CCDC174: variants seen among roughly 807,000 people sequenced by gnomAD.
The protein encoded by CCDC174 is coiled-coil domain-containing protein 174.
In CCDC174, 37 loss-of-function variants were observed where a neutral mutation model predicts 57.1. The observed-to-expected ratio is 0.65, with a 90% CI of 0.50 to 0.85. The LOEUF (loss-of-function observed/expected upper bound fraction) is 0.85, where lower values mean the gene tolerates loss of function less well. CCDC174 is among the 40% of genes least tolerant of loss of function. The pLI, the probability that CCDC174 is intolerant of heterozygous loss-of-function variation, is 0.00. For missense variants in CCDC174, 540 were observed against 574.3 expected (o/e 0.94, Z 0.61); for synonymous variants, 182 against 190.2 (o/e 0.96, Z 0.35).
chr3:14,664,722 G>A (rs573290270), intron 5 of CCDC174, among the ~76,000 whole-genome samples: 2 of 152,334 alleles, frequency 1.3e-5, no homozygotes, highest in African/African-American at 2.4e-5. Context: ...TCTCAACTAG[G>A]TTAAAGTAAG....
chr3:14,655,642 G>A lies in CCDC174; in HGVS notation c.248+13G>A, dbSNP rs766990124. The A allele has an allele frequency of 2.6e-6, 4 of 1,549,072 alleles. No homozygotes were observed. The highest frequency in any genetic ancestry group is 2.3e-5 in the South Asian group (2 of 86,256). On this transcript the variant is annotated intron_variant, in intron 3 of 10. Coordinates refer to ENST00000383794, the MANE Select transcript of CCDC174 (RefSeq NM_016474.5). ...TAGACAAAGCAAGGTAAAGTTATAA[G>A]CTCTGGTAAATATAGTTAGCTTTGA...
chr3:14,651,802 G>A lies in CCDC174; in HGVS notation c.-35G>A, dbSNP rs1346212283. The A allele has an allele frequency of 1.9e-6, 3 of 1,612,256 alleles. No individual in the cohort carries two copies. The highest frequency in any genetic ancestry group is 2.5e-6 in the Non-Finnish European group (3 of 1,178,478). On this transcript the variant is annotated 5_prime_UTR_variant, in exon 1 of 11. Coordinates refer to ENST00000383794, the MANE Select transcript of CCDC174 (RefSeq NM_016474.5). The stretch of plus-strand genomic sequence containing the variant: ...TTACGAGGCCTGTGTCGGGTAGAAA[G>A]GGTCCTTCCTGGACCGGGACCCTCT...
intron 6 of CCDC174, among the ~76,000 whole-genome samples, chr3:14,665,349 T>C (rs998008354): frequency 2.0e-5 from 3 of 152,212 alleles, no homozygotes; most frequent in Admixed American, 6.5e-5. Flanking sequence ...GAGCTGTCTC[T>C]TTTACTTGGA....
At chr3:14,665,462 A>G (rs1015388199) in intron 6 of CCDC174, among the ~76,000 whole-genome samples, 1 of 152,222 alleles carries the variant, frequency 6.6e-6, no homozygotes, top group Non-Finnish European at 1.5e-5. Flanking sequence ...TTATCCCACA[A>G]ACAAGTGGCT....
intron 1 of CCDC174, among the ~76,000 whole-genome samples, chr3:14,653,195 A>G (rs1045757063): frequency 2.2e-4 from 34 of 152,378 alleles, no homozygotes; most frequent in African/African-American, 8.2e-4. Context: ...AAGCCAACCT[A>G]TACTGACAGG....
At chr3:14,661,971 C>T (rs2031155386) in intron 5 of CCDC174, 2 of 329,844 alleles carry the variant, frequency 6.1e-6, no homozygotes, top group South Asian at 5.5e-5. Flanking sequence ...AGCTCTGTGC[C>T]AGGCCGAAGG....
Position 14,651,897 on chromosome 3 carries a change from T to TA in CCDC174, c.42+21dup, listed in dbSNP as rs1480890829. The TA allele has an allele frequency of 6.2e-7, 1 of 1,612,810 alleles. No homozygotes were observed. Among genetic ancestry groups the TA allele is most frequent in the African/African-American group, 1.3e-5 (1 of 74,994 alleles). ...CTCCTCGGTGAGTGAGGGTATGAGG[T>TA]AACTCCACGGGCTCCGGGTTCACCG... On this transcript the variant is annotated intron_variant, in intron 1 of 10. Coordinates refer to ENST00000383794, the MANE Select transcript of CCDC174 (RefSeq NM_016474.5).
At chr3:14,666,740 CTG>C (rs1367891439) in intron 6 of CCDC174, 63 bp from the exon 7 acceptor site, 1 of 1,306,126 alleles carries the variant, frequency 7.7e-7, no homozygotes, top group Non-Finnish European at 1.0e-6. Flanking sequence ...ATGCAACTGA[CTG>C]TACTTAAACA....
chr3:14,669,445 C>G (rs964941970), intron 9 of CCDC174, among the ~76,000 whole-genome samples: 1 of 152,200 alleles, frequency 6.6e-6, no homozygotes, highest in Non-Finnish European at 1.5e-5. Context: ...TTTTAAAAAT[C>G]CATTTTTCTT....
chr3:14,655,626 C>T lies in CCDC174; in HGVS notation c.245C>T (p.Ala82Val). 1 of 1,597,168 alleles carries T rather than the reference C, an allele frequency of 6.3e-7. No homozygotes were observed. Among genetic ancestry groups the T allele is most frequent in the Non-Finnish European group, 8.6e-7 (1 of 1,168,532 alleles). ...GAAGAACAGAAGACTTTAGACAAAG[C>T]AAGGTAAAGTTATAAGCTCTGGTAA... Reference protein sequence around the residue: ...KIEEQKTLDKAREKLEEKAKL... With the variant: ...KIEEQKTLDKVREKLEEKAKL... Residue 82 changes from alanine (A) to valine (V), a missense_variant, in exon 3 of 11, where the codon GCA becomes GTA. Transcript: ENST00000383794.
chr3:14,651,812 T>C lies in CCDC174; in HGVS notation c.-25T>C, dbSNP rs2030772993. 6.2e-7 allele frequency: 1 copy of C among 1,613,542 alleles called. No homozygotes were observed. The highest frequency in any genetic ancestry group is 1.3e-5 in the African/African-American group (1 of 74,932). On this transcript the variant is annotated 5_prime_UTR_variant, in exon 1 of 11. Coordinates refer to ENST00000383794, the MANE Select transcript of CCDC174 (RefSeq NM_016474.5). ...TGTGTCGGGTAGAAAGGGTCCTTCC[T>C]GGACCGGGACCCTCTGCCACGACCA...
chr3:14,656,058 C>G (rs887352782), intron 3 of CCDC174, among the ~76,000 whole-genome samples: 2 of 152,312 alleles, frequency 1.3e-5, no homozygotes. Flanking sequence ...TTCCCTCTCT[C>G]TCTCTTACAC....
intron 3 of CCDC174, among the ~76,000 whole-genome samples, chr3:14,656,598 C>A (rs1009220599): frequency 1.1e-4 from 17 of 152,298 alleles, no homozygotes; most frequent in African/African-American, 4.1e-4. Context: ...TGCTTGGTTT[C>A]ACCACTGTAA....
chr3:14,655,520 A>C lies in CCDC174; in HGVS notation c.148-9A>C, dbSNP rs368397148. The C allele has an allele frequency of 5.1e-6, 8 of 1,584,104 alleles. No individual in the cohort carries two copies. Among genetic ancestry groups the C allele is most frequent in the Non-Finnish European group, 6.9e-6 (8 of 1,163,578 alleles). On this transcript the variant is annotated splice_polypyrimidine_tract_variant and intron_variant, in intron 2 of 10. Transcript: ENST00000383794. ...TGGTTCTGTTTTGTCTTCTAAAATT[A>C]TTCTCCAGAAACCAAGTATCTGGAG...
chr3:14,662,671 T>A (rs899415226), intron 5 of CCDC174, among the ~76,000 whole-genome samples: 1 of 152,202 alleles, frequency 6.6e-6, no homozygotes, highest in Non-Finnish European at 1.5e-5. Flanking sequence ...ATTCTTCTTA[T>A]CCTCCTTTCA....
In CCDC174 at chr3:14,671,933, C is replaced by G. The variant is rs1346444485; in HGVS notation, c.*739C>G. 1 of 152,444 alleles carries G rather than the reference C, an allele frequency of 6.6e-6. No homozygotes were observed. The highest frequency in any genetic ancestry group is 1.5e-5 in the Non-Finnish European group (1 of 68,196). 9.4% of individuals were successfully genotyped at this position (152,444 alleles called of 1,614,324 possible). ...GAGCTTTTCAGTGCATCCCACCTCC[C>G]TGTCGCCCCCATGCTCGGCTTCCTC... On this transcript the variant is annotated 3_prime_UTR_variant, in exon 11 of 11. Transcript: ENST00000383794.
At chr3:14,654,369 C>A in intron 1 of CCDC174, 57 bp from the exon 2 acceptor site, 1 of 847,308 alleles carries the variant, frequency 1.2e-6, no homozygotes, top group Non-Finnish European at 1.9e-6. Context: ...AATAATTTAG[C>A]AATCCAGTCA....
rs149348240 is a variant in CCDC174, at chr3:14,669,934, A to C, written c.953A>C (p.Asp318Ala). ...KEGGTEEENRDGDVIGPLPPE... is the reference protein window; with the variant it reads ...KEGGTEEENRAGDVIGPLPPE... ...TGTCTTATTCTTTTACAAAAAATAGATGGAGATGTTATTGGGCCTTTGCCA... is the reference window on the plus strand; with the variant it reads ...TGTCTTATTCTTTTACAAAAAATAGCTGGAGATGTTATTGGGCCTTTGCCA... The change falls in exon 10 of 11, where the codon GAT (aspartate) becomes GCT (alanine). Residue 318 changes from aspartate (D) to alanine (A), a missense_variant and splice_region_variant. By Grantham distance (126) the Asp-to-Ala change is moderately radical. Transcript: ENST00000383794. 2.2e-5 allele frequency: 36 copies of C among 1,613,684 alleles called. No homozygotes were observed. Among genetic ancestry groups the C allele is most frequent in the Non-Finnish European group, 3.0e-5 (35 of 1,179,890 alleles).
intron 4 of CCDC174, among the ~76,000 whole-genome samples, 174 bp from the exon 5 acceptor site, chr3:14,661,356 A>G (rs958724020): frequency 1.3e-5 from 2 of 152,068 alleles, no homozygotes; most frequent in Non-Finnish European, 2.9e-5. Context: ...TTTGTGTAGT[A>G]TATGTCAGTT....
Sources: gnomAD v4.1 joint callset for allele counts (sites outside exome capture counted in the v4.1 genomes callset) on GRCh38, gnomAD v4.1.1 for gene constraint, MANE v1.5 for transcripts, NCBI Gene and HGNC (gene_info 2026-07-23, HGNC 2026-07-21) for gene names.